MS4A2: variants seen among roughly 807,000 people sequenced by gnomAD.
MS4A2 encodes the protein membrane spanning 4-domains A2.
In MS4A2, 26 loss-of-function variants were observed where a neutral mutation model predicts 27.9. That is an observed-to-expected ratio of 0.93 (90% CI 0.68 to 1.29). The LOEUF (loss-of-function observed/expected upper bound fraction) is 1.29, where lower values mean the gene tolerates loss of function less well. Ranked by LOEUF, MS4A2 falls within the 50% of genes most tolerant of loss-of-function variation. The pLI, the probability that MS4A2 is intolerant of heterozygous loss-of-function variation, is 0.00. For synonymous variants in MS4A2, 110 were observed against 98.8 expected (o/e 1.11, Z -0.67); for missense variants, 284 against 284.6 (o/e 1.00, Z 0.01).
rs1409012938 is a variant in MS4A2, at chr11:60,093,764, C to T, written c.538-200C>T. 9.0e-5 allele frequency: 73 copies of T among 811,006 alleles called. No individual in the cohort carries two copies. In the Admixed American group the frequency reaches 1.5e-3, roughly 17 times the overall value. 50.2% of individuals were successfully genotyped at this position (811,006 alleles called of 1,614,324 possible). A position where few individuals can be genotyped will look rare whatever the true frequency, so the allele number is the denominator to read the frequency against. On this transcript the variant is annotated intron_variant, in intron 5 of 6. Coordinates refer to ENST00000278888, the MANE Select transcript of MS4A2 (RefSeq NM_000139.5). Reference sequence around the variant, plus strand: ...AATTCCTCGGGGTTAAAGTTATCTACTGCAAGTGACGATCTCTGGGTTTTT... The same window carrying T: ...AATTCCTCGGGGTTAAAGTTATCTATTGCAAGTGACGATCTCTGGGTTTTT...
chr11:60,088,915 T>G, intron 1 of MS4A2, 94 bp downstream of exon 1: 1 of 1,223,064 alleles, frequency 8.2e-7, no homozygotes, highest in South Asian at 1.3e-5. Flanking sequence ...TTTATTGATT[T>G]AGGCATGGAT....
chr11:60,090,053 AATCTTT>A (rs1347777603), intron 2 of MS4A2, among the ~76,000 whole-genome samples: 1 of 152,226 alleles, frequency 6.6e-6, no homozygotes, highest in African/African-American at 2.4e-5. Flanking sequence ...AAGGATTCAT[AATCTTT>A]ATCTTTACTT....
intron 6 of MS4A2, among the ~76,000 whole-genome samples, chr11:60,094,849 A>G (rs1277622406): frequency 6.6e-6 from 1 of 152,140 alleles, no homozygotes; most frequent in East Asian, 1.9e-4. Context: ...ACAACAACAA[A>G]AACAGAAAAG....
intron 3 of MS4A2, among the ~76,000 whole-genome samples, chr11:60,092,175 C>T (rs1398477798): frequency 1.3e-5 from 2 of 152,122 alleles, no homozygotes; most frequent in Non-Finnish European, 1.5e-5. Flanking sequence ...AGAGTAACCC[C>T]TGCATTGTCA....
chr11:60,095,910 C>T lies in MS4A2; in HGVS notation c.*254C>T, dbSNP rs1330828952. 4.2e-6 allele frequency: 2 copies of T among 480,968 alleles called. No individual in the cohort carries two copies. The highest frequency in any genetic ancestry group is 7.5e-6 in the Non-Finnish European group (2 of 266,110). The allele number at this position is 480,968 out of a possible 1,614,324, so 29.8% of individuals were successfully genotyped here. On this transcript the variant is annotated 3_prime_UTR_variant, in exon 7 of 7. Coordinates refer to ENST00000278888, the MANE Select transcript of MS4A2 (RefSeq NM_000139.5). Reference sequence around the variant, plus strand: ...ACACACATCTCTGCTGGAAAGTCAACATGTAGTAAGCAAGATTTAACTGTT... The same window carrying T: ...ACACACATCTCTGCTGGAAAGTCAATATGTAGTAAGCAAGATTTAACTGTT...
chr11:60,089,821 G>A lies in MS4A2; in HGVS notation c.186G>A (p.Gly62=), dbSNP rs368772063. The A allele has an allele frequency of 4.3e-6, 7 of 1,613,976 alleles. No individual in the cohort carries two copies. The highest frequency in any genetic ancestry group is 5.9e-6 in the Non-Finnish European group (7 of 1,179,966). The change falls in exon 2 of 7, where the codon GGG becomes GGA. Residue 62 remains glycine (G), a splice_region_variant and synonymous_variant. Coordinates refer to ENST00000278888, the MANE Select transcript of MS4A2 (RefSeq NM_000139.5). ...TGAAAAAAGAGCAGGAGTTCCTGGG[G>A]GTGAGTGAGCCTCCTCCAACTTTGA... ...TVLKKEQEFL[G]VTQILTAMIC...
At chr11:60,091,505 T>C (rs569004807) in intron 3 of MS4A2, among the ~76,000 whole-genome samples, 2 of 152,292 alleles carry the variant, frequency 1.3e-5, no homozygotes, top group South Asian at 4.1e-4. Flanking sequence ...TCCCTGTGTA[T>C]CTTTGTAACT....
Position 60,097,151 on chromosome 11 carries a change from A to G in MS4A2, c.*1495A>G, listed in dbSNP as rs1214262364. 6.6e-6 allele frequency: 1 copy of G among 152,222 alleles called. No homozygotes were observed. The highest frequency in any genetic ancestry group is 1.5e-5 in the Non-Finnish European group (1 of 68,052). The allele number at this position is 152,222 out of a possible 1,614,324, so 9.4% of individuals were successfully genotyped here. On this transcript the variant is annotated 3_prime_UTR_variant, in exon 7 of 7. Coordinates refer to ENST00000278888, the MANE Select transcript of MS4A2 (RefSeq NM_000139.5). ...GAGAATTATTTTGAGATAGAAGTGA[A>G]GCTAAGCTAAACTTCACATGCCTAT...
Position 60,095,644 on chromosome 11 carries a change from C to A in MS4A2, c.723C>A (p.Pro241=). The A allele has an allele frequency of 6.2e-7, 1 of 1,602,932 alleles. No homozygotes were observed. The highest frequency in any genetic ancestry group is 8.5e-7 in the Non-Finnish European group (1 of 1,169,996). ...ELEDPGEMSP[P]IDL is the part of the protein sequence containing the mutation. ...AAGACCCAGGGGAAATGTCTCCTCC[C>A]ATTGATTTATAAGAATCACGTGTCC... is the stretch of plus-strand genomic sequence containing the variant. The change falls in exon 7 of 7, where the codon CCC becomes CCA. Residue 241 remains proline (P), a synonymous_variant. Transcript: ENST00000278888.
At chr11:60,092,991 C>A in intron 4 of MS4A2, 143 bp downstream of exon 4, 1 of 844,382 alleles carries the variant, frequency 1.2e-6, no homozygotes, top group East Asian at 2.6e-5. Context: ...ATTTTGTGTC[C>A]TAAGGCTTTT....
At chr11:60,089,849 A>AG in intron 2 of MS4A2, 28 bp downstream of exon 2, 1 of 1,613,430 alleles carries the variant, frequency 6.2e-7, no homozygotes, top group Non-Finnish European at 8.5e-7. Flanking sequence ...AACTTTGACT[A>AG]GAGTAAGGGT....
At chr11:60,090,541 A>T in intron 3 of MS4A2, 71 bp downstream of exon 3, 1 of 1,417,526 alleles carries the variant, frequency 7.1e-7, no homozygotes, top group South Asian at 1.2e-5. Flanking sequence ...AGATCTAACC[A>T]GTTGTTTATT....
Position 60,097,275 on chromosome 11 carries a change from T to G in MS4A2, c.*1619T>G, listed in dbSNP as rs1007425636. 1 of 152,076 alleles carries G rather than the reference T, an allele frequency of 6.6e-6. No homozygotes were observed. The highest frequency in any genetic ancestry group is 6.6e-5 in the Admixed American group (1 of 15,262). The allele number at this position is 152,076 out of a possible 1,614,324, so 9.4% of individuals were successfully genotyped here. A position where few individuals can be genotyped will look rare whatever the true frequency, so the allele number is the denominator to read the frequency against. On this transcript the variant is annotated 3_prime_UTR_variant, in exon 7 of 7. Transcript: ENST00000278888. ...ACTGTAGAGAGCAGGTAGCCCAAAA[T>G]AGAGAAAGATTAGATAAAGAGAAAA...
In MS4A2 at chr11:60,093,389, A is replaced by G. The variant is rs769856621; in HGVS notation, c.379-11A>G. ...GCAGGCCCAGGTCTGAGTGTTCTTCATTATTATCAGGTGAGAGGAAGCCTG... is the reference window on the plus strand; with the variant it reads ...GCAGGCCCAGGTCTGAGTGTTCTTCGTTATTATCAGGTGAGAGGAAGCCTG... On this transcript the variant is annotated splice_polypyrimidine_tract_variant and intron_variant, in intron 4 of 6. Coordinates refer to ENST00000278888, the MANE Select transcript of MS4A2 (RefSeq NM_000139.5). The G allele has an allele frequency of 6.2e-7, 1 of 1,614,158 alleles. No individual in the cohort carries two copies. The highest frequency in any genetic ancestry group is 1.1e-5 in the South Asian group (1 of 91,078).
rs1855888156 is a variant in MS4A2, at chr11:60,097,375, G to A, written c.*1719G>A. On this transcript the variant is annotated 3_prime_UTR_variant, in exon 7 of 7. Coordinates refer to ENST00000278888, the MANE Select transcript of MS4A2 (RefSeq NM_000139.5). ...CACAGTGATAAGCAACTCCACCTAA[G>A]GCATGAATATGCGGCAGAGAAAACA... The A allele has an allele frequency of 6.6e-6, 1 of 152,166 alleles. No homozygotes were observed. 9.4% of individuals were successfully genotyped at this position (152,166 alleles called of 1,614,324 possible). A position where few individuals can be genotyped will look rare whatever the true frequency, so the allele number is the denominator to read the frequency against.
chr11:60,088,950 G>C (rs972390873), intron 1 of MS4A2, 129 bp downstream of exon 1: 2 of 963,406 alleles, frequency 2.1e-6, no homozygotes, highest in Non-Finnish European at 3.2e-6. Flanking sequence ...TAATATATTG[G>C]GTATGAGGAA....
At chr11:60,093,660 T>C in intron 5 of MS4A2, 102 bp downstream of exon 5, 2 of 1,452,586 alleles carry the variant, frequency 1.4e-6, no homozygotes, top group Non-Finnish European at 9.6e-7. Flanking sequence ...TTCTGTAACT[T>C]CTATTACACA....
At chr11:60,095,483 G>A in intron 6 of MS4A2, 75 bp from the exon 7 acceptor site, 2 of 873,150 alleles carry the variant, frequency 2.3e-6, no homozygotes, top group South Asian at 1.3e-5. Flanking sequence ...AGTAGATGAG[G>A]TAAGTCTCTT....
chr11:60,089,667 A>T (rs200762125), intron 1 of MS4A2, 25 bp from the exon 2 acceptor site: 9 of 1,613,916 alleles, frequency 5.6e-6, no homozygotes, highest in Non-Finnish European at 7.6e-6. Context: ...TGTTCTCATG[A>T]CTGAATTGCT....
Sources: gnomAD v4.1 joint callset for allele counts (sites outside exome capture counted in the v4.1 genomes callset) on GRCh38, gnomAD v4.1.1 for gene constraint, MANE v1.5 for transcripts, NCBI Gene and HGNC (gene_info 2026-07-23, HGNC 2026-07-21) for gene names.